The following TEX9 variants were observed in gnomAD, a reference collection of about 807,000 sequenced individuals.
TEX9 encodes the protein testis expressed 9.
A neutral mutation model predicts 59.6 loss-of-function variants in TEX9; 74 were observed. The observed-to-expected ratio is 1.24, with a 90% confidence interval of 1.03 to 1.51. The LOEUF (loss-of-function observed/expected upper bound fraction) is 1.51. Among genes scored for constraint, TEX9 ranks in the 40% most tolerant of loss-of-function variants. The pLI is 0.00. For missense variants in TEX9, 522 were observed against 447.8 expected (o/e 1.17, Z -1.49); for synonymous variants, 186 against 152.2 (o/e 1.22, Z -1.64).
the TEX9 span, among the ~76,000 whole-genome samples, chr15:56,455,744 A>G: frequency 9.9e-5 from 15 of 152,092 alleles, no homozygotes; most frequent in Non-Finnish European, 1.8e-4. Flanking sequence ...ATACGGAAGT[A>G]TGGGGGCAAT....
chr15:56,434,454 G>T (rs2050684298), intron 12 of TEX9: 1 of 1,504,024 alleles, frequency 6.6e-7, no homozygotes, highest in African/African-American at 1.4e-5. Flanking sequence ...GATTTATAAG[G>T]AAAGAGTGAT....
intron 1 of TEX9, among the ~76,000 whole-genome samples, chr15:56,316,461 C>T (rs1217570268): frequency 9.4e-5 from 14 of 149,292 alleles, no homozygotes; most frequent in Non-Finnish European, 4.5e-5. Context: ...TTAGGCTGCT[C>T]GGGGGTCAGG....
chr15:56,352,978 T>G (rs2046613092), intron 1 of TEX9, among the ~76,000 whole-genome samples: 1 of 152,226 alleles, frequency 6.6e-6, no homozygotes, highest in South Asian at 2.1e-4. Context: ...CTAAACTGTC[T>G]TTCCCAGGCT....
chr15:56,279,620 A>T (rs2044765564), intron 1 of TEX9, among the ~76,000 whole-genome samples: 1 of 152,224 alleles, frequency 6.6e-6, no homozygotes, highest in Non-Finnish European at 1.5e-5. Context: ...TATGGAATTT[A>T]AGCCCTAATT....
At chr15:56,289,272 G>A (rs560547356) in intron 1 of TEX9, among the ~76,000 whole-genome samples, 2 of 152,066 alleles carry the variant, frequency 1.3e-5, no homozygotes, top group Admixed American at 6.5e-5. Flanking sequence ...TGTGCTTTTG[G>A]TGTTATGTCT....
chr15:56,365,791 C>G (rs2046916291), intron 2 of TEX9, 121 bp downstream of exon 2: 1 of 1,473,952 alleles, frequency 6.8e-7, no homozygotes, highest in Non-Finnish European at 9.0e-7. Flanking sequence ...GCATTCCCTT[C>G]TCGTCATCTC....
At chr15:56,247,634 A>T (rs2043892834) in intron 1 of TEX9, among the ~76,000 whole-genome samples, 1 of 152,154 alleles carries the variant, frequency 6.6e-6, no homozygotes, top group South Asian at 2.1e-4. Flanking sequence ...GGAGAGAGAG[A>T]CAAAAACCCA....
intron 10 of TEX9, among the ~76,000 whole-genome samples, chr15:56,423,513 T>G (rs375320654): frequency 3.9e-5 from 6 of 152,146 alleles, no homozygotes; most frequent in Non-Finnish European, 7.4e-5. Flanking sequence ...ATTTTTTTCG[T>G]TAACATCTTA....
At chr15:56,384,016 A>T in exon 4 of TEX9, 3 of 1,612,860 alleles carry the variant, frequency 1.9e-6, no homozygotes, top group Non-Finnish European at 2.5e-6. Flanking sequence ...GATGACGAAG[A>T]TGATTACAGT....
intron 9 of TEX9, chr15:56,395,225 A>G (rs1348015879): frequency 2.0e-5 from 4 of 197,244 alleles, no homozygotes; most frequent in East Asian, 2.3e-4. Context: ...GTGGAATCAT[A>G]TAATATGTGG....
At chr15:56,426,853 T>G (rs1461170560) in intron 10 of TEX9, among the ~76,000 whole-genome samples, 1 of 151,692 alleles carries the variant, frequency 6.6e-6, no homozygotes, top group Non-Finnish European at 1.5e-5. Flanking sequence ...GCTAAAGAGC[T>G]TATCCAGTCC....
intron 12 of TEX9, chr15:56,434,195 G>A: frequency 1.9e-6 from 3 of 1,613,894 alleles, no homozygotes; most frequent in East Asian, 2.2e-5. Flanking sequence ...CAGCCCTCCT[G>A]TGTTCCAGCT....
intron 1 of TEX9, among the ~76,000 whole-genome samples, chr15:56,317,621 G>A (rs981757130): frequency 1.3e-5 from 2 of 151,972 alleles, no homozygotes. Context: ...CAGACATTTA[G>A]GCTTTCTATT....
At chr15:56,434,249 A>G (rs1345421205) in intron 12 of TEX9, 1 of 1,613,918 alleles carries the variant, frequency 6.2e-7, no homozygotes, top group South Asian at 1.1e-5. Context: ...CTATTCGATC[A>G]TCCTCAGCAA....
intron 10 of TEX9, among the ~76,000 whole-genome samples, chr15:56,415,732 G>C (rs1389441408): frequency 2.0e-5 from 3 of 151,768 alleles, no homozygotes; most frequent in Non-Finnish European, 4.4e-5. Context: ...GCTCTTTTGT[G>C]GTTCCATGTG....
At chr15:56,419,520 A>G (rs1447355819) in intron 10 of TEX9, among the ~76,000 whole-genome samples, 1 of 151,884 alleles carries the variant, frequency 6.6e-6, no homozygotes. Flanking sequence ...ATCTATTGAA[A>G]TTATATTTTT....
At chr15:56,460,009 A>AAAATAT in the TEX9 span, among the ~76,000 whole-genome samples, 3 of 26,406 alleles carry the variant, frequency 1.1e-4, no homozygotes, top group East Asian at 1.1e-3. Context: ...AAAAAAAAAA[A>AAAATAT]ATACATATAT....
At chr15:56,309,755 A>G (rs1392883828) in intron 1 of TEX9, among the ~76,000 whole-genome samples, 2 of 125,834 alleles carry the variant, frequency 1.6e-5, no homozygotes, top group African/African-American at 6.1e-5. Flanking sequence ...ATTCAGTAAC[A>G]ATTAACAGTA....
At chr15:56,319,813 G>C (rs551324009) in intron 1 of TEX9, among the ~76,000 whole-genome samples, 16 of 152,298 alleles carry the variant, frequency 1.1e-4, no homozygotes, top group Non-Finnish European at 2.4e-4. Context: ...TCTTTCAGAT[G>C]GGGGGAAGTT....
Sources: allele counts gnomAD v4.1 joint callset (sites outside exome capture counted in the v4.1 genomes callset), GRCh38; gene constraint gnomAD v4.1.1; transcripts MANE v1.5; gene names NCBI Gene and HGNC (gene_info 2026-07-23, HGNC 2026-07-21).